OLFM4: variants seen among roughly 807,000 people sequenced by gnomAD.
OLFM4 encodes the protein olfactomedin 4, also known as olfactomedin-4.
Under a neutral mutation model 25.5 loss-of-function variants are expected in OLFM4, and 22 were observed. That is an observed-to-expected ratio of 0.86 (90% CI 0.62 to 1.23). The LOEUF (loss-of-function observed/expected upper bound fraction) is 1.23. Ranked by LOEUF, OLFM4 falls within the 50% of genes most tolerant of loss-of-function variation. OLFM4 has a pLI of 0.00. For synonymous variants in OLFM4, 255 were observed against 237.7 expected (o/e 1.07, Z -0.67); for missense variants, 594 against 619.4 (o/e 0.96, Z 0.44).
At chr13:53,037,534 G>A (rs1260980287) in intron 2 of OLFM4, among the ~76,000 whole-genome samples, 1 of 152,090 alleles carries the variant, frequency 6.6e-6, no homozygotes, top group East Asian at 1.9e-4. Context: ...ATAATTCATA[G>A]GGCCTCCATT....
chr13:53,050,473 A>G lies in OLFM4; in HGVS notation c.1235A>G (p.Asp412Gly). 1.9e-6 allele frequency: 3 copies of G among 1,614,102 alleles called. No homozygotes were observed. The highest frequency in any genetic ancestry group is 1.7e-6 in the Non-Finnish European group (2 of 1,179,978). ...TGNMVISKLN[D>G]TTLQVLNTWY... ...AACATGGTGATTAGTAAACTCAATG[A>G]CACCACACTTCAGGTGCTAAACACT... Residue 412 changes from aspartate (D) to glycine (G), a missense_variant, in exon 5 of 5, where the codon GAC becomes GGC. Transcript: ENST00000219022.
chr13:53,050,567 C>A lies in OLFM4; in HGVS notation c.1329C>A (p.Thr443=). 1 of 1,613,894 alleles carries A rather than the reference C, an allele frequency of 6.2e-7. No homozygotes were observed. Among genetic ancestry groups the A allele is most frequent in the Non-Finnish European group, 8.5e-7 (1 of 1,179,932 alleles). ...AFMVCGVLYA[T]RTMNTRTEEI... ...TGGTATGTGGGGTTCTGTATGCCAC[C>A]CGTACTATGAACACCAGAACAGAAG... The change falls in exon 5 of 5, where the codon ACC becomes ACA. Residue 443 remains threonine, a synonymous_variant. Transcript: ENST00000219022.
intron 4 of OLFM4, among the ~76,000 whole-genome samples, chr13:53,045,209 T>C (rs149611629): frequency 6.6e-6 from 1 of 152,070 alleles, no homozygotes; most frequent in African/African-American, 2.4e-5. Flanking sequence ...AGTGAGCCTG[T>C]TGGGTTGTTT....
chr13:53,032,950 T>C (rs907931243), intron 1 of OLFM4, among the ~76,000 whole-genome samples: 2 of 152,122 alleles, frequency 1.3e-5, no homozygotes, highest in African/African-American at 2.4e-5. Context: ...CCAGAGTCAC[T>C]TCTGGCTCTG....
At chr13:53,049,842 C>G in intron 4 of OLFM4, 127 bp from the exon 5 acceptor site, 1 of 970,996 alleles carries the variant, frequency 1.0e-6, no homozygotes, top group Non-Finnish European at 1.5e-6. Context: ...CCATCAGAAC[C>G]ACTGTTGTTA....
rs1461972365 is a variant in OLFM4 at position 53,042,084 on chromosome 13, G to T, written c.532G>T (p.Gly178Cys). Residue 178 changes from glycine (G) to cysteine (C), a missense_variant, in exon 3 of 5, where the codon GGT (glycine) becomes TGT (cysteine). Gly to Cys is a radical substitution (Grantham distance 159). Coordinates refer to ENST00000219022, the MANE Select transcript of OLFM4 (RefSeq NM_006418.5). ...KLVIQLKESFGGSSEIVDQLE... is the reference protein window; with the variant it reads ...KLVIQLKESFCGSSEIVDQLE... ...GGTCATACAGCTGAAGGAGAGTTTT[G>T]GTGGAAGCTCAGAAATTGTTGACCA... 1.2e-6 allele frequency: 2 copies of T among 1,613,922 alleles called. No individual in the cohort carries two copies. Among genetic ancestry groups the T allele is most frequent in the Non-Finnish European group, 1.7e-6 (2 of 1,179,910 alleles).
chr13:53,038,129 T>C (rs1954668705), intron 2 of OLFM4, among the ~76,000 whole-genome samples: 2 of 152,160 alleles, frequency 1.3e-5, no homozygotes, highest in Admixed American at 6.5e-5. Context: ...GATAAAGATG[T>C]TGACACAGGA....
At chr13:53,049,524 GTGGATTTATAGAAA>G (rs1954733116) in intron 4 of OLFM4, among the ~76,000 whole-genome samples, 1 of 152,076 alleles carries the variant, frequency 6.6e-6, no homozygotes, top group African/African-American at 2.4e-5. Context: ...TATAAATCTT[GTGGATTTATAGAAA>G]TAGGGTAGGA....
chr13:53,047,815 T>G (rs1387873746), intron 4 of OLFM4, among the ~76,000 whole-genome samples: 1 of 152,178 alleles, frequency 6.6e-6, no homozygotes, highest in African/African-American at 2.4e-5. Flanking sequence ...TGTCTAAAAA[T>G]TTCCACATCT....
At chr13:53,032,511 G>A (rs1008644167) in intron 1 of OLFM4, among the ~76,000 whole-genome samples, 1 of 152,036 alleles carries the variant, frequency 6.6e-6, no homozygotes, top group South Asian at 2.1e-4. Context: ...TAGGTTCCTG[G>A]TGTATCTTAC....
chr13:53,038,024 T>A (rs1293482076), intron 2 of OLFM4, among the ~76,000 whole-genome samples: 1 of 152,158 alleles, frequency 6.6e-6, no homozygotes, highest in Non-Finnish European at 1.5e-5. Context: ...CAAAATAAAA[T>A]GGAAGCTGTG....
intron 2 of OLFM4, among the ~76,000 whole-genome samples, chr13:53,036,130 A>G (rs181297749): frequency 1.6e-3 from 239 of 152,366 alleles, no homozygotes; most frequent in African/African-American, 5.6e-3. Context: ...GAATTGGTAG[A>G]TAAATATTCT....
intron 4 of OLFM4, among the ~76,000 whole-genome samples, chr13:53,045,267 T>C (rs1468196130): frequency 1.3e-5 from 2 of 152,104 alleles, no homozygotes; most frequent in African/African-American, 4.8e-5. Context: ...CCCTCACACT[T>C]AGACTTCTGT....
intron 1 of OLFM4, among the ~76,000 whole-genome samples, chr13:53,032,176 C>T (rs1184070961): frequency 6.6e-6 from 1 of 152,166 alleles, no homozygotes; most frequent in Non-Finnish European, 1.5e-5. Context: ...TTCAAGTGAA[C>T]TTCAGGACTA....
chr13:53,042,961 T>G, intron 3 of OLFM4, 144 bp from the exon 4 acceptor site: 2 of 611,890 alleles, frequency 3.3e-6, no homozygotes, highest in Non-Finnish European at 5.4e-6. Flanking sequence ...AACCATAAAA[T>G]GTATTCTTCC....
chr13:53,043,369 T>G, intron 4 of OLFM4, 105 bp downstream of exon 4: 1 of 606,566 alleles, frequency 1.6e-6, no homozygotes, highest in Non-Finnish European at 2.2e-6. Flanking sequence ...AGAAGGTGGG[T>G]TGTTTTTTTT....
intron 4 of OLFM4, 135 bp from the exon 5 acceptor site, chr13:53,049,834 A>T: frequency 1.1e-6 from 1 of 910,502 alleles, no homozygotes; most frequent in Non-Finnish European, 1.6e-6. Flanking sequence ...GCTCTTCTCC[A>T]TCAGAACCAC....
intron 1 of OLFM4, among the ~76,000 whole-genome samples, chr13:53,032,921 T>C (rs1954636824): frequency 6.6e-6 from 1 of 152,158 alleles, no homozygotes; most frequent in African/African-American, 2.4e-5. Context: ...CTGGCTGACC[T>C]GAACTTTGAG....
chr13:53,043,032 A>G (rs1954695492), intron 3 of OLFM4, 73 bp from the exon 4 acceptor site: 19 of 1,204,680 alleles, frequency 1.6e-5, no homozygotes, highest in Non-Finnish European at 2.2e-5. Flanking sequence ...CTAAATGACA[A>G]ATTCAGCCCT....
Sources: gnomAD v4.1 joint callset for allele counts (sites outside exome capture counted in the v4.1 genomes callset) on GRCh38, gnomAD v4.1.1 for gene constraint, MANE v1.5 for transcripts, NCBI Gene and HGNC (gene_info 2026-07-23, HGNC 2026-07-21) for gene names.